Variants in DCLK1 observed in about 807,000 individuals in gnomAD.
DCLK1 encodes doublecortin like kinase 1, also known as serine/threonine-protein kinase DCLK1.
In DCLK1, 16 loss-of-function variants were observed where a neutral mutation model predicts 86.2. That is an observed-to-expected ratio of 0.19 (90% confidence interval 0.13 to 0.28). The LOEUF (loss-of-function observed/expected upper bound fraction) is 0.28, where lower values mean the gene tolerates loss of function less well. Ranked by LOEUF, DCLK1 falls within the 10% of genes least tolerant of loss-of-function variation. The probability of loss-of-function intolerance (pLI) is 1.00; values close to 1 mark genes in which losing one functional copy is unlikely to be tolerated. For missense variants in DCLK1, 590 were observed against 940.2 expected, an observed-to-expected ratio of 0.63 and a Z score of 4.87; for synonymous variants, 369 against 370.5, an observed-to-expected ratio of 1.00 and a Z score of 0.05.
intron 4 of DCLK1, among the ~76,000 whole-genome samples, chr13:35,921,121 G>A (rs1424263771): frequency 1.3e-5 from 2 of 152,168 alleles, no homozygotes; most frequent in Non-Finnish European, 2.9e-5. Context: ...GAAAATGCAA[G>A]TCAGATCACG....
intron 6 of DCLK1, among the ~76,000 whole-genome samples, chr13:35,853,355 G>A (rs574162480): frequency 2.0e-5 from 3 of 152,302 alleles, no homozygotes; most frequent in South Asian, 2.1e-4. Flanking sequence ...ACAAGCTGGC[G>A]TCAAATCCCA....
At chr13:36,004,821 G>C (rs1880878444) in intron 3 of DCLK1, among the ~76,000 whole-genome samples, 1 of 152,092 alleles carries the variant, frequency 6.6e-6, no homozygotes, top group African/African-American at 2.4e-5. Flanking sequence ...CAAGCGATCT[G>C]CCTGCCTCGG....
chr13:36,102,872 A>C (rs1371882313), intron 3 of DCLK1, among the ~76,000 whole-genome samples: 2 of 152,218 alleles, frequency 1.3e-5, no homozygotes, highest in African/African-American at 4.8e-5. Flanking sequence ...GAAGATAGAC[A>C]AAAGAGGCTC....
intron 1 of DCLK1, among the ~76,000 whole-genome samples, chr13:36,126,647 G>A (rs893354802): frequency 3.3e-5 from 5 of 152,134 alleles, no homozygotes; most frequent in Non-Finnish European, 5.9e-5. Flanking sequence ...GAGTTATCAA[G>A]TGGGACAGAA....
chr13:35,900,535 A>G (rs2153122092), intron 4 of DCLK1, among the ~76,000 whole-genome samples: 1 of 152,314 alleles, frequency 6.6e-6, no homozygotes, highest in African/African-American at 2.4e-5. Flanking sequence ...ATGAGCCACC[A>G]TGCTGGGCCT....
chr13:35,811,013 C>T, intron 11 of DCLK1, 45 bp from the exon 12 acceptor site: 2 of 1,610,644 alleles, frequency 1.2e-6, no homozygotes, highest in Admixed American at 1.7e-5. Context: ...ACCAAGAGCT[C>T]AAAAGCCCTT....
Position 35,980,676 on chromosome 13 carries a change from C to T in DCLK1, c.724-33219G>A, listed in dbSNP as rs150177638. On this transcript the variant is annotated intron_variant, in intron 3 of 16. Transcript: ENST00000360631. ...CGTGGGCTGGGTGCGGGGATGGTTT[C>T]GTGATGAAATCATTCCACCTCAGAT... 1.1e-3 allele frequency among the ~76,000 whole-genome samples: 171 copies of T among 152,162 alleles called. 3 individuals are homozygous for T. The highest frequency in any genetic ancestry group is 3.6e-3 in the African/African-American group (151 of 41,498).
At chr13:35,822,901 A>G (rs772485578) in intron 10 of DCLK1, 26 bp from the exon 11 acceptor site, 2 of 1,613,056 alleles carry the variant, frequency 1.2e-6, no homozygotes, top group East Asian at 4.5e-5. Context: ...AAGCTGAAGC[A>G]GCACATTAAC....
At chr13:36,029,755 A>AT (rs1882195516) in intron 3 of DCLK1, among the ~76,000 whole-genome samples, 1 of 152,154 alleles carries the variant, frequency 6.6e-6, no homozygotes, top group Non-Finnish European at 1.5e-5. Context: ...GAAAAACAAG[A>AT]TCTGTTCCAC....
In DCLK1 at chr13:35,770,676, G is replaced by A. The variant is rs746710268; in HGVS notation, c.*3859C>T. The A allele has an allele frequency of 6.6e-6, 1 of 152,114 alleles. No individual in the cohort carries two copies. Among genetic ancestry groups the A allele is most frequent in the Non-Finnish European group, 1.5e-5 (1 of 68,018 alleles). 9.4% of individuals were successfully genotyped at this position (152,114 alleles called of 1,614,324 possible). A position where few individuals can be genotyped will look rare whatever the true frequency, so the allele number is the denominator to read the frequency against. On this transcript the variant is annotated 3_prime_UTR_variant, in exon 17 of 17. Coordinates refer to ENST00000360631, the MANE Select transcript of DCLK1 (RefSeq NM_001330071.2). ...TTATTGACTTACAAATTATAGAAAAGATATGTTATCTACAATATATGCCAG... is the reference window on the plus strand; with the variant it reads ...TTATTGACTTACAAATTATAGAAAAAATATGTTATCTACAATATATGCCAG...
At chr13:35,815,089 T>C (rs2153103735) in intron 11 of DCLK1, among the ~76,000 whole-genome samples, 1 of 152,292 alleles carries the variant, frequency 6.6e-6, no homozygotes, top group South Asian at 2.1e-4. Context: ...ATGTAGATTT[T>C]GGGGCACACT....
At position 36,095,245 on chromosome 13, in the gene DCLK1, G is replaced by A. The variant is rs111922948; in HGVS notation, c.723+16624C>T. On this transcript the variant is annotated intron_variant, in intron 3 of 16. Coordinates refer to ENST00000360631, the MANE Select transcript of DCLK1 (RefSeq NM_001330071.2). ...TTTTGAGACAGAATCTCACTCTGTC[G>A]CCCAGGCTAGAGTGCCGTGATGTGA... Among the ~76,000 whole-genome samples, 10 of 148,912 alleles carry A rather than the reference G, an allele frequency of 6.7e-5. 1 individual carries two copies. The highest frequency in any genetic ancestry group is 4.0e-4 in the East Asian group (2 of 5,044).
intron 4 of DCLK1, 130 bp from the exon 5 acceptor site, chr13:35,871,470 G>T: frequency 2.6e-6 from 2 of 773,448 alleles, no homozygotes; most frequent in Non-Finnish European, 4.3e-6. Flanking sequence ...CACCAGCTGG[G>T]TTCTTGTCTA....
At chr13:36,113,763 T>C (rs865870847) in intron 2 of DCLK1, among the ~76,000 whole-genome samples, 75 of 152,280 alleles carry the variant, frequency 4.9e-4, no homozygotes, top group African/African-American at 1.8e-3. Flanking sequence ...GAGATCAAAG[T>C]GATCTCAAAT....
At chr13:35,800,103 T>C (rs2086889919) in intron 15 of DCLK1, among the ~76,000 whole-genome samples, 1 of 152,214 alleles carries the variant, frequency 6.6e-6, no homozygotes, top group Non-Finnish European at 1.5e-5. Flanking sequence ...GATGACAGTC[T>C]TTCTTCCTTA....
rs1354056083 is a variant in DCLK1, at chr13:36,095,167, CTCTT to C, written c.723+16698_723+16701del. 2.1e-3 allele frequency among the ~76,000 whole-genome samples: 292 copies of C among 140,438 alleles called. 4 individuals are homozygous for C. The highest frequency in any genetic ancestry group is 7.0e-3 in the African/African-American group (248 of 35,678). 92.1% of individuals were successfully genotyped at this position (140,438 alleles called of 152,430 possible). A position where few individuals can be genotyped will look rare whatever the true frequency, so the allele number is the denominator to read the frequency against. ...TCCTCTGATATCTCTCTATCTCTCT[CTCTT>C]TGTTTTTTTTTTTTGTTTTTTTTGT... On this transcript the variant is annotated intron_variant, in intron 3 of 16. Coordinates refer to ENST00000360631, the MANE Select transcript of DCLK1 (RefSeq NM_001330071.2).
intron 4 of DCLK1, among the ~76,000 whole-genome samples, chr13:35,923,387 T>TA (rs1253216146): frequency 6.6e-6 from 1 of 151,840 alleles, no homozygotes; most frequent in African/African-American, 2.4e-5. Context: ...TTTTTTTTTT[T>TA]ACCACCTTTC....
chr13:35,836,134 C>A lies in DCLK1; in HGVS notation c.1128G>T (p.Ser376=). ...TAGCTGGAATCTGGAAGCCTTCCTC[C>A]GACACTTCTGAAAGAATCATTAATA... ...DENDGPGEEV[S]EEGFQIPATI... is the part of the protein sequence containing the mutation. Residue 376 remains serine, a synonymous_variant, in exon 8 of 17, where the codon TCG becomes TCT. Transcript: ENST00000360631. 2 of 1,610,908 alleles carry A rather than the reference C, an allele frequency of 1.2e-6. No individual in the cohort carries two copies. The highest frequency in any genetic ancestry group is 1.7e-6 in the Non-Finnish European group (2 of 1,178,934).
intron 3 of DCLK1, among the ~76,000 whole-genome samples, chr13:36,036,356 T>A (rs1277087231): frequency 6.6e-6 from 1 of 152,206 alleles, no homozygotes; most frequent in Non-Finnish European, 1.5e-5. Flanking sequence ...TAAACCCTGC[T>A]GTCCAACACC....
Sources: allele counts gnomAD v4.1 joint callset (sites outside exome capture counted in the v4.1 genomes callset), GRCh38; gene constraint gnomAD v4.1.1; transcripts MANE v1.5; gene names NCBI Gene and HGNC (gene_info 2026-07-23, HGNC 2026-07-21).